SH3GL2: variants seen among roughly 807,000 people sequenced by gnomAD.
SH3GL2 encodes the protein endophilin-A1.
Under a neutral mutation model 46.0 loss-of-function variants are expected in SH3GL2, and 24 were observed. The observed-to-expected ratio is 0.52, with a 90% confidence interval of 0.38 to 0.73. The LOEUF (loss-of-function observed/expected upper bound fraction) is 0.73. Ranked by LOEUF, SH3GL2 falls within the 30% of genes least tolerant of loss-of-function variation. SH3GL2 has a pLI of 0.00. For synonymous variants in SH3GL2, 196 were observed against 147.1 expected, an observed-to-expected ratio of 1.33 and a Z score of -2.40; for missense variants, 413 against 424.2, an observed-to-expected ratio of 0.97 and a Z score of 0.23.
chr9:17,667,668 T>A (rs1820379934), intron 1 of SH3GL2, among the ~76,000 whole-genome samples: 1 of 152,200 alleles, frequency 6.6e-6, no homozygotes, highest in African/African-American at 2.4e-5. Flanking sequence ...TTTTTGCATA[T>A]ACCTTGAGGT....
chr9:17,616,105 T>C (rs1031352104), intron 1 of SH3GL2, among the ~76,000 whole-genome samples: 2 of 152,328 alleles, frequency 1.3e-5, no homozygotes, highest in South Asian at 2.1e-4. Flanking sequence ...TTAACACTTA[T>C]TCTACATCAG....
chr9:17,758,266 A>G (rs1245978634), intron 2 of SH3GL2, among the ~76,000 whole-genome samples: 3 of 152,032 alleles, frequency 2.0e-5, no homozygotes, highest in Non-Finnish European at 4.4e-5. Context: ...AATTATCTGT[A>G]AGAATGCAGC....
intron 1 of SH3GL2, among the ~76,000 whole-genome samples, chr9:17,588,194 T>C (rs113390394): frequency 2.0e-5 from 3 of 152,268 alleles, no homozygotes; most frequent in African/African-American, 7.2e-5. Context: ...GTTTTCAAGG[T>C]TGCCAAAGGG....
At chr9:17,713,078 T>G (rs911368729) in intron 1 of SH3GL2, among the ~76,000 whole-genome samples, 3 of 151,562 alleles carry the variant, frequency 2.0e-5, no homozygotes, top group East Asian at 3.9e-4. Context: ...GCTGGGTTTT[T>G]TTTTTTAAAT....
intron 1 of SH3GL2, among the ~76,000 whole-genome samples, chr9:17,703,200 G>C (rs2118217265): frequency 6.6e-6 from 1 of 152,010 alleles, no homozygotes; most frequent in East Asian, 1.9e-4. Flanking sequence ...TGCATTATTT[G>C]GGTAGGGAAT....
At chr9:17,609,446 G>A (rs1411649237) in intron 1 of SH3GL2, among the ~76,000 whole-genome samples, 1 of 152,068 alleles carries the variant, frequency 6.6e-6, no homozygotes, top group East Asian at 1.9e-4. Flanking sequence ...CGTAAGCCAA[G>A]CAGGTAGAAT....
intron 1 of SH3GL2, among the ~76,000 whole-genome samples, chr9:17,701,017 C>T (rs1404811049): frequency 6.6e-6 from 1 of 152,156 alleles, no homozygotes; most frequent in African/African-American, 2.4e-5. Context: ...CAACTCATTT[C>T]ATAGTGGGCC....
At chr9:17,598,146 T>G (rs1011799774) in intron 1 of SH3GL2, among the ~76,000 whole-genome samples, 2 of 152,168 alleles carry the variant, frequency 1.3e-5, no homozygotes, top group Admixed American at 6.5e-5. Flanking sequence ...GTAGAAAGGT[T>G]AAGGTTGTCT....
chr9:17,722,717 C>G (rs1224708424), intron 1 of SH3GL2, among the ~76,000 whole-genome samples: 2 of 151,994 alleles, frequency 1.3e-5, no homozygotes, highest in Admixed American at 6.6e-5. Context: ...TGGATCACTT[C>G]CCTTCAGCAT....
At chr9:17,735,506 A>G (rs745675200) in intron 1 of SH3GL2, among the ~76,000 whole-genome samples, 3 of 151,448 alleles carry the variant, frequency 2.0e-5, no homozygotes, top group Non-Finnish European at 4.4e-5. Flanking sequence ...GGGTCCACTT[A>G]TACATGAATT....
chr9:17,618,213 C>G (rs1281181349), intron 1 of SH3GL2, among the ~76,000 whole-genome samples: 1 of 152,150 alleles, frequency 6.6e-6, no homozygotes, highest in Non-Finnish European at 1.5e-5. Flanking sequence ...CTACCAGCAT[C>G]TGGTAAGTAG....
At chr9:17,673,253 A>G (rs185983572) in intron 1 of SH3GL2, among the ~76,000 whole-genome samples, 20 of 151,260 alleles carry the variant, frequency 1.3e-4, no homozygotes, top group East Asian at 3.9e-4. Context: ...GGCTCAAGCA[A>G]TCCTCCCACT....
chr9:17,637,761 C>T (rs186682978), intron 1 of SH3GL2, among the ~76,000 whole-genome samples: 15 of 152,304 alleles, frequency 9.8e-5, no homozygotes, highest in African/African-American at 3.4e-4. Flanking sequence ...TTTATGGAGT[C>T]ACAGCACGTA....
chr9:17,768,778 C>T (rs1823391833), intron 3 of SH3GL2, among the ~76,000 whole-genome samples: 1 of 152,158 alleles, frequency 6.6e-6, no homozygotes, highest in Non-Finnish European at 1.5e-5. Context: ...GTGGTGTCTT[C>T]TGAGGGCCAA....
chr9:17,700,936 TGTCTTAGAGAGGTGG>T (rs1485810251), intron 1 of SH3GL2, among the ~76,000 whole-genome samples: 1 of 152,222 alleles, frequency 6.6e-6, no homozygotes. Context: ...TCTCAAAGCC[TGTCTTAGAGAGGTGG>T]ATGGACCTGT....
chr9:17,709,680 TACACACACAC>T (rs3837228), intron 1 of SH3GL2, among the ~76,000 whole-genome samples: 3,569 of 148,252 alleles, frequency 0.024, 100 homozygotes, highest in East Asian at 0.1. Context: ...TTATTTGTAT[TACACACACAC>T]ACACACACAC....
intron 1 of SH3GL2, among the ~76,000 whole-genome samples, chr9:17,638,234 A>G (rs1340365802): frequency 6.6e-6 from 1 of 152,114 alleles, no homozygotes; most frequent in East Asian, 1.9e-4. Context: ...AGGGGCCCTT[A>G]AAAATTTATC....
chr9:17,588,211 T>C (rs1378576929), intron 1 of SH3GL2, among the ~76,000 whole-genome samples: 1 of 152,154 alleles, frequency 6.6e-6, no homozygotes, highest in Non-Finnish European at 1.5e-5. Context: ...AGGGAAAGAA[T>C]ATGTTTGAAC....
At chr9:17,724,598 T>C (rs898086729) in intron 1 of SH3GL2, among the ~76,000 whole-genome samples, 4 of 152,096 alleles carry the variant, frequency 2.6e-5, no homozygotes, top group Non-Finnish European at 5.9e-5. Flanking sequence ...CATGCATGTG[T>C]GTGTATGTGT....
Sources: allele counts gnomAD v4.1 joint callset (sites outside exome capture counted in the v4.1 genomes callset), GRCh38; gene constraint gnomAD v4.1.1; transcripts MANE v1.5; gene names NCBI Gene and HGNC (gene_info 2026-07-23, HGNC 2026-07-21).